Variants in FCHO2 observed in about 807,000 individuals in gnomAD.
FCHO2 encodes the protein F-BAR domain only protein 2.
Under a neutral mutation model 114.1 loss-of-function variants are expected in FCHO2, and 43 were observed. That is an observed-to-expected ratio of 0.38 (90% CI 0.30 to 0.49). The LOEUF (loss-of-function observed/expected upper bound fraction) is 0.49, where lower values mean the gene tolerates loss of function less well. FCHO2 is among the 20% of genes least tolerant of loss of function. The pLI, the probability that FCHO2 is intolerant of heterozygous loss-of-function variation, is 0.97. For missense variants in FCHO2, 807 were observed against 950.4 expected (o/e 0.85, Z 1.98); for synonymous variants, 293 against 315.2 (o/e 0.93, Z 0.75).
chr5:73,070,408 T>A (rs536351146), intron 19 of FCHO2, among the ~76,000 whole-genome samples: 1 of 152,224 alleles, frequency 6.6e-6, no homozygotes, highest in Admixed American at 6.5e-5. Context: ...ATATGTCTAA[T>A]AAGTTTGCCC....
rs752408530 is a variant in FCHO2, at chr5:73,068,715, G to A, written c.1515G>A (p.Arg505=). The change falls in exon 19 of 26, where the codon CGG becomes CGA. Residue 505 remains arginine (R), a synonymous_variant. Transcript: ENST00000430046. ...TSPPPAAPLA[R]AESSSSISSS... is the part of the protein sequence containing the mutation. The stretch of plus-strand genomic sequence containing the variant: ...CACCTCCTGCTGCACCATTAGCCCG[G>A]GCAGAAAGTTCTTCTTCTATCTCAT... The A allele has an allele frequency of 6.2e-7, 1 of 1,612,184 alleles. No individual in the cohort carries two copies. Among genetic ancestry groups the A allele is most frequent in the South Asian group, 1.1e-5 (1 of 91,034 alleles).
At chr5:73,068,487 G>T (rs1206709867) in intron 18 of FCHO2, among the ~76,000 whole-genome samples, 163 bp from the exon 19 acceptor site, 1 of 151,952 alleles carries the variant, frequency 6.6e-6, no homozygotes, top group African/African-American at 2.4e-5. Flanking sequence ...GCTTTAGTAT[G>T]TTCTTAAAAA....
At chr5:72,979,626 C>T (rs1180932654) in intron 2 of FCHO2, among the ~76,000 whole-genome samples, 7 of 151,204 alleles carry the variant, frequency 4.6e-5, no homozygotes, top group Non-Finnish European at 7.4e-5. Flanking sequence ...CTCCTGACCT[C>T]GTGATCCGCC....
chr5:73,059,524 A>G (rs376340246), intron 17 of FCHO2, among the ~76,000 whole-genome samples: 3 of 152,144 alleles, frequency 2.0e-5, no homozygotes, highest in Admixed American at 6.6e-5. Context: ...ATTAACAGCA[A>G]CAACAAAAAA....
At chr5:73,007,105 C>T (rs1754757839) in intron 6 of FCHO2, among the ~76,000 whole-genome samples, 1 of 152,154 alleles carries the variant, frequency 6.6e-6, no homozygotes, top group Non-Finnish European at 1.5e-5. Context: ...GTTTTATTTT[C>T]CTGCTTAGCA....
In FCHO2 at chr5:73,063,845, G is replaced by A; in HGVS notation, c.1350G>A (p.Arg450=). ...TCTCTTTTCCCCCTCAACCAGCCAG[G>A]CCCACAACTCCTCTTTCTGTAGGCA... The part of the protein sequence containing the change: ...SSSLTSSSSA[R]PTTPLSVGTI... The change falls in exon 18 of 26, where the codon AGG becomes AGA. Residue 450 remains arginine (R), a synonymous_variant. Coordinates refer to ENST00000430046, the MANE Select transcript of FCHO2 (RefSeq NM_138782.3). 2 of 1,611,224 alleles carry A rather than the reference G, an allele frequency of 1.2e-6. No individual in the cohort carries two copies. The highest frequency in any genetic ancestry group is 1.7e-6 in the Non-Finnish European group (2 of 1,178,434).
At chr5:73,034,744 G>T (rs1436137803) in intron 9 of FCHO2, 43 bp downstream of exon 9, 1 of 1,475,554 alleles carries the variant, frequency 6.8e-7, no homozygotes. Context: ...ATGGCAGCTA[G>T]CTAGTATCTT....
At chr5:73,047,834 T>A (rs537583184) in intron 11 of FCHO2, among the ~76,000 whole-genome samples, 41 of 152,180 alleles carry the variant, frequency 2.7e-4, no homozygotes, top group African/African-American at 4.8e-4. Flanking sequence ...TATTTTTATT[T>A]TTTATTTATT....
At chr5:73,048,965 C>G (rs1757210515) in intron 11 of FCHO2, among the ~76,000 whole-genome samples, 1 of 149,760 alleles carries the variant, frequency 6.7e-6, no homozygotes, top group African/African-American at 2.5e-5. Flanking sequence ...CAAGCTCCGC[C>G]TCCCGGGTTC....
chr5:73,054,616 T>C, intron 15 of FCHO2, 67 bp downstream of exon 15: 1 of 1,177,366 alleles, frequency 8.5e-7, no homozygotes, highest in Non-Finnish European at 1.2e-6. Flanking sequence ...TGTTAGTCTT[T>C]TACCTTTAGC....
chr5:72,956,229 G>A (rs1399322890), intron 1 of FCHO2, 100 bp downstream of exon 1: 2 of 1,461,038 alleles, frequency 1.4e-6, no homozygotes, highest in Non-Finnish European at 1.8e-6. Flanking sequence ...CGGCCCCTCC[G>A]GCAGGGCGAG....
chr5:73,017,149 T>A, intron 7 of FCHO2, 63 bp from the exon 8 acceptor site: 1 of 975,310 alleles, frequency 1.0e-6, no homozygotes, highest in Middle Eastern at 3.1e-4. Context: ...CTTGTGTAAG[T>A]TTTATCTGAA....
At chr5:73,041,382 A>G in intron 11 of FCHO2, 67 bp downstream of exon 11, 1 of 968,050 alleles carries the variant, frequency 1.0e-6, no homozygotes. Context: ...AACCTAACAC[A>G]TTTGAGTTGA....
chr5:73,029,266 A>G lies in FCHO2; in HGVS notation c.797-5391A>G, dbSNP rs961471752. Reference sequence around the variant, plus strand: ...GTTGCAACTAACATGGAGAATGCTTATAGACATAAGTACTATAATTGAAAG... The same window carrying G: ...GTTGCAACTAACATGGAGAATGCTTGTAGACATAAGTACTATAATTGAAAG... On this transcript the variant is annotated intron_variant, in intron 8 of 25. Coordinates refer to ENST00000430046, the MANE Select transcript of FCHO2 (RefSeq NM_138782.3). Among the ~76,000 whole-genome samples the G allele has an allele frequency of 1.2e-4, 18 of 152,218 alleles. No homozygotes were observed. In the Middle Eastern group the frequency reaches 9.5e-3, roughly 80 times the overall value.
intron 5 of FCHO2, among the ~76,000 whole-genome samples, chr5:72,993,131 A>C (rs901068447): frequency 6.6e-6 from 1 of 152,092 alleles, no homozygotes. Flanking sequence ...TGTCTTGAGG[A>C]TGTTCAAATA....
At chr5:72,977,315 A>G (rs918258028) in intron 2 of FCHO2, among the ~76,000 whole-genome samples, 5 of 152,162 alleles carry the variant, frequency 3.3e-5, no homozygotes, top group Admixed American at 1.3e-4. Context: ...AATGATGGGC[A>G]TTCTGACTGT....
chr5:73,015,872 T>C (rs895871391), intron 7 of FCHO2, 148 bp downstream of exon 7: 15 of 421,610 alleles, frequency 3.6e-5, no homozygotes, highest in African/African-American at 2.9e-4. Context: ...TATATTTACA[T>C]GTAGTAAATA....
intron 8 of FCHO2, chr5:73,021,156 A>G (rs1014814825): frequency 2.6e-6 from 2 of 777,492 alleles, no homozygotes; most frequent in Non-Finnish European, 2.4e-6. Flanking sequence ...TGAGAATGCC[A>G]TCTCTCCTTT....
chr5:73,082,047 C>A, intron 23 of FCHO2, 65 bp downstream of exon 23: 1 of 1,327,168 alleles, frequency 7.5e-7, no homozygotes, highest in Non-Finnish European at 9.9e-7. Flanking sequence ...CTTCTAGAAC[C>A]CAAGTTCTGT....
Sources: gnomAD v4.1 joint callset for allele counts (sites outside exome capture counted in the v4.1 genomes callset) on GRCh38, gnomAD v4.1.1 for gene constraint, MANE v1.5 for transcripts, NCBI Gene and HGNC (gene_info 2026-07-23, HGNC 2026-07-21) for gene names.